SUZ12: variants seen among roughly 807,000 people sequenced by gnomAD.
SUZ12 encodes the protein polycomb protein SUZ12.
A neutral mutation model predicts 87.3 loss-of-function variants in SUZ12; 17 were observed. That is an observed-to-expected ratio of 0.19 (90% CI 0.13 to 0.29). SUZ12 has a LOEUF of 0.29. Ranked by LOEUF, SUZ12 falls within the 10% of genes least tolerant of loss-of-function variation. SUZ12 has a pLI of 1.00. For synonymous variants in SUZ12, 253 were observed against 312.4 expected (o/e 0.81, Z 2.01); for missense variants, 526 against 912.2 (o/e 0.58, Z 5.45).
rs146803938 is a variant in SUZ12 at position 31,982,698 on chromosome 17, C to A, written c.918-301C>A. 2.3e-3 allele frequency among the ~76,000 whole-genome samples: 352 copies of A among 152,158 alleles called. 1 individual carries two copies. The highest frequency in any genetic ancestry group is 8.0e-3 in the African/African-American group (331 of 41,502). The stretch of plus-strand genomic sequence containing the variant: ...TAAATAAATAAAGCCTGTACTTACG[C>A]TTTATATTTAATGTTGACAACGTAC... On this transcript the variant is annotated intron_variant, in intron 8 of 15. Transcript: ENST00000322652.
intron 6 of SUZ12, among the ~76,000 whole-genome samples, chr17:31,974,734 C>G (rs1908642414): frequency 6.6e-6 from 1 of 152,204 alleles, no homozygotes; most frequent in East Asian, 1.9e-4. Flanking sequence ...ATAGTTTTCA[C>G]TTTATAGTCT....
At chr17:31,965,920 A>C (rs1908057183) in intron 4 of SUZ12, 2 of 363,640 alleles carry the variant, frequency 5.5e-6, no homozygotes, top group Non-Finnish European at 1.0e-5. Flanking sequence ...ACTTTTTGTG[A>C]GTTGTGAGGG....
At chr17:31,992,709 C>T (rs1909782403) in intron 10 of SUZ12, among the ~76,000 whole-genome samples, 1 of 151,322 alleles carries the variant, frequency 6.6e-6, no homozygotes, top group South Asian at 2.1e-4. Flanking sequence ...CGCGCCCGGC[C>T]CTGTTTTTGT....
Position 31,947,622 on chromosome 17 carries a change from C to G in SUZ12, c.392C>G (p.Thr131Arg), listed in dbSNP as rs752938594. 3.1e-6 allele frequency: 5 copies of G among 1,598,364 alleles called. No homozygotes were observed. The African/African-American group carries it at 4.0e-5, about 13-fold the overall frequency. The change falls in exon 4 of 16, where the codon ACA (threonine) becomes AGA (arginine). Residue 131 changes from threonine (T) to arginine (R), a missense_variant. Thr to Arg is a moderately conservative substitution (Grantham distance 71). This residue lies in a region of SUZ12 where 49 missense variants were observed against 73.2 expected (regional missense o/e 0.67). Coordinates refer to ENST00000322652, the MANE Select transcript of SUZ12 (RefSeq NM_015355.4). ...RNSRTNIKRK[T>R]FKVDDMLSKV... The stretch of plus-strand genomic sequence containing the variant: ...TGTTTATCTGTTTCTTCCAGGAAAA[C>G]ATTTAAAGTTGATGATATGTTATCA...
In SUZ12 at chr17:32,000,632, TAAA is replaced by T. The variant is rs769296762; in HGVS notation, c.*1644_*1646del. On this transcript the variant is annotated 3_prime_UTR_variant, in exon 16 of 16. Transcript: ENST00000322652. Reference sequence around the variant, plus strand: ...AATTTGCTAAAGCTGTGCACATATGTAAAAAAAAAAAAAAAAAGATTATTTTAG... The same window carrying T: ...AATTTGCTAAAGCTGTGCACATATGTAAAAAAAAAAAAAAGATTATTTTAG... The T allele has an allele frequency of 1.7e-3, 345 of 201,686 alleles. No homozygotes were observed. The highest frequency in any genetic ancestry group is 2.8e-3 in the Middle Eastern group (2 of 722). The allele number at this position is 201,686 out of a possible 1,614,324, so 12.5% of individuals were successfully genotyped here.
intron 4 of SUZ12, among the ~76,000 whole-genome samples, chr17:31,948,146 C>T (rs1178914393): frequency 2.0e-5 from 3 of 152,004 alleles, no homozygotes; most frequent in Admixed American, 6.5e-5. Flanking sequence ...GCAACATATT[C>T]ATAACTTTTA....
chr17:31,982,739 C>T (rs1174719326), intron 8 of SUZ12, among the ~76,000 whole-genome samples: 1 of 152,152 alleles, frequency 6.6e-6, no homozygotes, highest in African/African-American at 2.4e-5. Context: ...TTTGAGACCT[C>T]AGGCATATTA....
intron 3 of SUZ12, among the ~76,000 whole-genome samples, chr17:31,941,624 A>G (rs904173703): frequency 6.6e-6 from 1 of 150,552 alleles, no homozygotes; most frequent in African/African-American, 2.5e-5. Flanking sequence ...ACCTCGGCTC[A>G]CTGCAACCTC....
At chr17:31,991,117 T>C (rs1260026367) in intron 10 of SUZ12, among the ~76,000 whole-genome samples, 5 of 152,240 alleles carry the variant, frequency 3.3e-5, no homozygotes, top group African/African-American at 4.8e-5. Flanking sequence ...CATGTGTCTT[T>C]ATCTGCCTGT....
chr17:31,996,641 T>TAAATC lies in SUZ12; in HGVS notation c.1795-153_1795-152insCAAAT, dbSNP rs1286385592. Among the ~76,000 whole-genome samples the TAAATC allele has an allele frequency of 2.0e-5, 3 of 152,246 alleles. 1 individual carries two copies. The highest frequency in any genetic ancestry group is 7.2e-5 in the African/African-American group (3 of 41,508). ...CTCTAACTAAATAAATAAATTAAAT[T>TAAATC]AAATGACTACTTAAATAGAAGTTAA... On this transcript the variant is annotated intron_variant, in intron 14 of 15. Coordinates refer to ENST00000322652, the MANE Select transcript of SUZ12 (RefSeq NM_015355.4).
At chr17:31,940,752 C>T (rs1462043165) in intron 3 of SUZ12, among the ~76,000 whole-genome samples, 1 of 151,240 alleles carries the variant, frequency 6.6e-6, no homozygotes, top group East Asian at 1.9e-4. Context: ...GTGGCTCATA[C>T]CTATAATCCC....
At chr17:31,957,988 T>C in intron 4 of SUZ12, among the ~76,000 whole-genome samples, 1 of 147,670 alleles carries the variant, frequency 6.8e-6, no homozygotes, top group African/African-American at 2.5e-5. Context: ...CTGCAAGTTC[T>C]GCCTCCCGGG....
intron 5 of SUZ12, chr17:31,966,460 G>A (rs1291682713): frequency 1.2e-5 from 4 of 336,672 alleles, no homozygotes; most frequent in African/African-American, 2.2e-5. Flanking sequence ...CGATTCTCCT[G>A]CCTCAGCCTC....
intron 9 of SUZ12, among the ~76,000 whole-genome samples, chr17:31,985,025 G>A (rs951349011): frequency 6.6e-6 from 1 of 152,050 alleles, no homozygotes; most frequent in Non-Finnish European, 1.5e-5. Context: ...CATGGTGGCA[G>A]GTGCTTGTAG....
At chr17:31,957,479 T>C (rs1907422011) in intron 4 of SUZ12, among the ~76,000 whole-genome samples, 1 of 152,018 alleles carries the variant, frequency 6.6e-6, no homozygotes, top group African/African-American at 2.4e-5. Context: ...TGGCGTGATC[T>C]TGGCTCACTG....
At chr17:31,989,571 T>TGGAAC (rs1909595261) in intron 10 of SUZ12, among the ~76,000 whole-genome samples, 1 of 151,086 alleles carries the variant, frequency 6.6e-6, no homozygotes, top group South Asian at 2.1e-4. Context: ...CAAAGAGCTT[T>TGGAAC]GGAACTAAGT....
intron 9 of SUZ12, among the ~76,000 whole-genome samples, chr17:31,983,589 G>C (rs1317764876): frequency 6.6e-6 from 1 of 152,068 alleles, no homozygotes; most frequent in Non-Finnish European, 1.5e-5. Context: ...CACACGGAAG[G>C]CATCATACTT....
In SUZ12 at chr17:31,999,808, C is replaced by T. The variant is rs537166; in HGVS notation, c.*805C>T. 0.17 allele frequency: 38,443 copies of T among 231,188 alleles called. 3,959 individuals carry two copies. Among genetic ancestry groups the T allele is most frequent in the African/African-American group, 0.3 (13,681 of 45,020 alleles). The allele number at this position is 231,188 out of a possible 1,614,324, so 14.3% of individuals were successfully genotyped here. A position where few individuals can be genotyped will look rare whatever the true frequency, so the allele number is the denominator to read the frequency against. On this transcript the variant is annotated 3_prime_UTR_variant, in exon 16 of 16. Coordinates refer to ENST00000322652, the MANE Select transcript of SUZ12 (RefSeq NM_015355.4). Reference sequence around the variant, plus strand: ...TTTCTTTTTTAATTAGATAATCACACGGAAAATTAAGCTGTTCATATCTTT... The same window carrying T: ...TTTCTTTTTTAATTAGATAATCACATGGAAAATTAAGCTGTTCATATCTTT...
chr17:31,964,656 G>A (rs570656823), intron 4 of SUZ12, among the ~76,000 whole-genome samples: 10 of 152,048 alleles, frequency 6.6e-5, no homozygotes, highest in East Asian at 1.9e-4. Flanking sequence ...CCCCTGCCTC[G>A]GCCTCCCAAA....
Sources: gnomAD v4.1 joint callset for allele counts (sites outside exome capture counted in the v4.1 genomes callset) on GRCh38, gnomAD v4.1.1 for gene constraint, gnomAD v4.1.1 regional missense constraint, MANE v1.5 for transcripts, NCBI Gene and HGNC (gene_info 2026-07-23, HGNC 2026-07-21) for gene names.